PLA2G4A: variants seen among roughly 807,000 people sequenced by gnomAD.
PLA2G4A encodes the protein cytosolic phospholipase A2.
In PLA2G4A, 40 loss-of-function variants were observed where a neutral mutation model predicts 81.9. The observed-to-expected ratio is 0.49, with a 90% CI of 0.38 to 0.64. The LOEUF is 0.64. PLA2G4A is among the 30% of genes least tolerant of loss of function. PLA2G4A has a pLI of 0.00. For synonymous variants in PLA2G4A, 302 were observed against 296.9 expected (o/e 1.02, Z -0.18); for missense variants, 715 against 905.1 (o/e 0.79, Z 2.69).
At chr1:186,875,161 T>C (rs1653419597) in intron 3 of PLA2G4A, among the ~76,000 whole-genome samples, 2 of 152,060 alleles carry the variant, frequency 1.3e-5, no homozygotes, top group South Asian at 4.1e-4. Flanking sequence ...GGCAATTTCT[T>C]CTAGTTTATG....
At chr1:186,890,891 A>T (rs1378926159) in intron 3 of PLA2G4A, among the ~76,000 whole-genome samples, 1 of 151,760 alleles carries the variant, frequency 6.6e-6, no homozygotes, top group African/African-American at 2.4e-5. Flanking sequence ...TTGTTGCTTC[A>T]TAGAGACACC....
At chr1:186,889,734 C>G (rs1654067670) in intron 3 of PLA2G4A, among the ~76,000 whole-genome samples, 1 of 150,898 alleles carries the variant, frequency 6.6e-6, no homozygotes, top group Non-Finnish European at 1.5e-5. Context: ...ATTATTTTTG[C>G]TTTTCCTTTA....
intron 2 of PLA2G4A, among the ~76,000 whole-genome samples, chr1:186,858,317 T>C (rs1258885261): frequency 6.6e-6 from 1 of 152,202 alleles, no homozygotes; most frequent in Non-Finnish European, 1.5e-5. Context: ...CGTGAGATGG[T>C]TTCTCATTGT....
chr1:186,916,605 G>A (rs1175535036), intron 7 of PLA2G4A, among the ~76,000 whole-genome samples: 1 of 151,970 alleles, frequency 6.6e-6, no homozygotes, highest in Non-Finnish European at 1.5e-5. Flanking sequence ...TCATTTATGA[G>A]TCCCCACCAG....
At chr1:186,841,985 A>G (rs1181057925) in intron 1 of PLA2G4A, among the ~76,000 whole-genome samples, 1 of 151,890 alleles carries the variant, frequency 6.6e-6, no homozygotes, top group Admixed American at 6.6e-5. Context: ...TCCATCTTAA[A>G]GGAGCTATGC....
At chr1:186,879,636 A>C (rs1653651258) in intron 3 of PLA2G4A, among the ~76,000 whole-genome samples, 1 of 151,922 alleles carries the variant, frequency 6.6e-6, no homozygotes, top group African/African-American at 2.4e-5. Flanking sequence ...TAATAATCCT[A>C]CTATTATTTA....
At chr1:186,913,847 G>A (rs185148739) in intron 7 of PLA2G4A, among the ~76,000 whole-genome samples, 14 of 152,260 alleles carry the variant, frequency 9.2e-5, no homozygotes, top group African/African-American at 3.4e-4. Flanking sequence ...GAGTAAGGGA[G>A]CCAAATGATC....
Position 186,828,994 on chromosome 1 carries a change from T to C in PLA2G4A, c.-111T>C, listed in dbSNP as rs529392653. The stretch of plus-strand genomic sequence containing the variant: ...TAAGTCCGGAGCTGAAAAAGGATCC[T>C]GACTGAAAGCTAGAGGCATTGAGGA... On this transcript the variant is annotated 5_prime_UTR_variant, in exon 1 of 18. Transcript: ENST00000367466. The C allele has an allele frequency of 1.3e-5, 2 of 152,268 alleles. No individual in the cohort carries two copies. Among genetic ancestry groups the C allele is most frequent in the African/African-American group, 4.8e-5 (2 of 41,550 alleles). The allele number at this position is 152,268 out of a possible 1,614,324, so 9.4% of individuals were successfully genotyped here. A position where few individuals can be genotyped will look rare whatever the true frequency, so the allele number is the denominator to read the frequency against.
intron 3 of PLA2G4A, among the ~76,000 whole-genome samples, chr1:186,871,344 TATG>T (rs555306376): frequency 6.6e-6 from 1 of 152,202 alleles, no homozygotes; most frequent in Admixed American, 6.5e-5. Flanking sequence ...AACAAAGTAT[TATG>T]ATGATGAATT....
chr1:186,868,160 T>G (rs981890599), intron 2 of PLA2G4A, among the ~76,000 whole-genome samples: 1 of 145,452 alleles, frequency 6.9e-6, no homozygotes, highest in Non-Finnish European at 1.5e-5. Context: ...CTGCAACCAC[T>G]GCTGCCAGGG....
chr1:186,971,649 A>T (rs530801732), intron 15 of PLA2G4A, among the ~76,000 whole-genome samples: 1 of 152,176 alleles, frequency 6.6e-6, no homozygotes, highest in East Asian at 1.9e-4. Flanking sequence ...AAAGTACCTT[A>T]AACCTATAAG....
intron 15 of PLA2G4A, among the ~76,000 whole-genome samples, chr1:186,967,182 T>C (rs996844433): frequency 6.6e-6 from 1 of 152,168 alleles, no homozygotes; most frequent in Non-Finnish European, 1.5e-5. Context: ...CCAATAATGG[T>C]TATTATAATA....
chr1:186,988,323 A>G (rs573042485), intron 17 of PLA2G4A, 54 bp from the exon 18 acceptor site: 15 of 1,389,192 alleles, frequency 1.1e-5, no homozygotes, highest in Non-Finnish European at 1.2e-5. Context: ...AATAAAAAAT[A>G]TATAAATGAG....
In PLA2G4A at chr1:186,961,344, T is replaced by A. The variant is rs75394980; in HGVS notation, c.1580-4065T>A. ...TAGCTAAAAGAGAGGATTTAGATGT[T>A]CTTACCACAAAGAAGTGATAAATAT... is the stretch of plus-strand genomic sequence containing the variant. On this transcript the variant is annotated intron_variant, in intron 14 of 17. Coordinates refer to ENST00000367466, the MANE Select transcript of PLA2G4A (RefSeq NM_024420.3). Among the ~76,000 whole-genome samples, 92 of 152,298 alleles carry A rather than the reference T, an allele frequency of 6.0e-4. 2 individuals are homozygous for A. The East Asian group carries it at 0.017, about 28-fold the overall frequency.
intron 7 of PLA2G4A, among the ~76,000 whole-genome samples, chr1:186,924,887 A>G (rs541602241): frequency 1.1e-4 from 17 of 152,090 alleles, no homozygotes; most frequent in Non-Finnish European, 2.5e-4. Flanking sequence ...CCATGTCTGC[A>G]AAAAATACAA....
At chr1:186,977,049 A>G (rs1468654189) in intron 15 of PLA2G4A, among the ~76,000 whole-genome samples, 1 of 152,230 alleles carries the variant, frequency 6.6e-6, no homozygotes, top group African/African-American at 2.4e-5. Flanking sequence ...TACATGTAAT[A>G]GCAATGCTCT....
At chr1:186,979,289 C>T in intron 16 of PLA2G4A, 26 bp from the exon 17 acceptor site, 1 of 1,576,472 alleles carries the variant, frequency 6.3e-7, no homozygotes, top group African/African-American at 1.3e-5. Flanking sequence ...CAAAATAACA[C>T]CCTTTGTGAC....
chr1:186,937,388 T>C (rs1655989989), intron 8 of PLA2G4A, among the ~76,000 whole-genome samples: 1 of 151,986 alleles, frequency 6.6e-6, no homozygotes, highest in African/African-American at 2.4e-5. Flanking sequence ...TGGTAGACTT[T>C]GGAATAACTA....
intron 15 of PLA2G4A, among the ~76,000 whole-genome samples, chr1:186,976,952 G>A (rs1270114292): frequency 8.5e-5 from 13 of 152,128 alleles, no homozygotes; most frequent in Non-Finnish European, 1.5e-4. Flanking sequence ...TTACCAGGAA[G>A]GGAGCTAATA....
Sources: allele counts gnomAD v4.1 joint callset (sites outside exome capture counted in the v4.1 genomes callset), GRCh38; gene constraint gnomAD v4.1.1; transcripts MANE v1.5; gene names NCBI Gene and HGNC (gene_info 2026-07-23, HGNC 2026-07-21).